ERICH6: variants seen among roughly 807,000 people sequenced by gnomAD.
The protein encoded by ERICH6 is glutamate-rich protein 6.
In ERICH6, 71 loss-of-function variants were observed where a neutral mutation model predicts 71.0. That is an observed-to-expected ratio of 1.00 (90% CI 0.83 to 1.22). The LOEUF (loss-of-function observed/expected upper bound fraction) is 1.22, where lower values mean the gene tolerates loss of function less well. ERICH6 is among the 50% of genes most tolerant of loss of function. ERICH6 has a pLI of 0.00. For missense variants in ERICH6, 808 were observed against 797.2 expected (o/e 1.01, Z -0.16); for synonymous variants, 262 against 278.4 (o/e 0.94, Z 0.59).
chr3:150,671,637 A>G (rs149253799), intron 11 of ERICH6, among the ~76,000 whole-genome samples: 1,776 of 152,194 alleles, frequency 0.012, 40 homozygotes, highest in African/African-American at 0.04. Context: ...TTATTTATTT[A>G]ATTTTTTGAG....
chr3:150,680,385 A>G, intron 9 of ERICH6, 83 bp downstream of exon 9: 14 of 1,385,610 alleles, frequency 1.0e-5, no homozygotes, highest in Non-Finnish European at 1.4e-5. Flanking sequence ...TTTTTTAAAT[A>G]CACCCATTTC....
At chr3:150,690,073 A>G (rs777385481) in intron 3 of ERICH6, among the ~76,000 whole-genome samples, 13 of 152,220 alleles carry the variant, frequency 8.5e-5, no homozygotes, top group African/African-American at 1.2e-4. Context: ...TAGCCTCATA[A>G]TAATTCTCCC....
At chr3:150,692,455 A>G (rs1194500971) in intron 3 of ERICH6, among the ~76,000 whole-genome samples, 2 of 152,152 alleles carry the variant, frequency 1.3e-5, no homozygotes, top group Non-Finnish European at 2.9e-5. Context: ...CAAATTATAA[A>G]TTATGTCTTT....
intron 6 of ERICH6, among the ~76,000 whole-genome samples, chr3:150,684,253 A>C (rs1712088720): frequency 6.6e-6 from 1 of 152,210 alleles, no homozygotes; most frequent in African/African-American, 2.4e-5. Context: ...AAAGAATTTC[A>C]GCCCGAAGAG....
chr3:150,681,800 C>G (rs1218840176), intron 7 of ERICH6, among the ~76,000 whole-genome samples: 1 of 138,108 alleles, frequency 7.2e-6, no homozygotes, highest in Non-Finnish European at 1.5e-5. Context: ...ACAGCTAACA[C>G]ATAACTCTTT....
chr3:150,682,415 G>C (rs1712006823), intron 6 of ERICH6, 99 bp from the exon 7 acceptor site: 8 of 797,842 alleles, frequency 1.0e-5, no homozygotes, highest in African/African-American at 3.5e-5. Context: ...TCAGTGAATG[G>C]AACAGCAGTG....
intron 10 of ERICH6, among the ~76,000 whole-genome samples, chr3:150,677,897 T>C (rs1021200969): frequency 6.6e-5 from 10 of 152,180 alleles, no homozygotes; most frequent in African/African-American, 2.4e-4. Flanking sequence ...AGGAAAACCA[T>C]CTAGAACAGT....
In ERICH6 at chr3:150,660,021, A is replaced by T. The variant is rs201297143; in HGVS notation, c.1863T>A (p.Val621=). The T allele has an allele frequency of 1.9e-6, 3 of 1,614,144 alleles. No individual in the cohort carries two copies. In the East Asian group the frequency reaches 6.7e-5, roughly 36 times the overall value. Residue 621 remains valine (V), a synonymous_variant, in exon 14 of 14, where the codon GTT becomes GTA. Coordinates refer to ENST00000295910, the MANE Select transcript of ERICH6 (RefSeq NM_152394.5). ...AGGAAGGTTGCTTTAATTTTTCCCA[A>T]ACCTGGCTTGAGGGAAAATTCACAC... is the stretch of plus-strand genomic sequence containing the variant. ...EGCVNFPSSQ[V]WEKLKQPSYL...
At chr3:150,699,860 A>C (rs1712798549) in intron 2 of ERICH6, among the ~76,000 whole-genome samples, 1 of 152,200 alleles carries the variant, frequency 6.6e-6, no homozygotes, top group African/African-American at 2.4e-5. Context: ...GTAGCATGTA[A>C]ACAAACATCA....
chr3:150,663,553 C>CA (rs397976828), intron 13 of ERICH6, among the ~76,000 whole-genome samples: 6 of 152,048 alleles, frequency 3.9e-5, no homozygotes, highest in African/African-American at 1.4e-4. Context: ...CCCCTGCCCC[C>CA]ACCCCGCCAA....
At chr3:150,692,232 AAC>A (rs1436578236) in intron 3 of ERICH6, among the ~76,000 whole-genome samples, 2 of 152,170 alleles carry the variant, frequency 1.3e-5, no homozygotes, top group African/African-American at 4.8e-5. Flanking sequence ...AATTTTGAAA[AAC>A]AAATTTAATT....
chr3:150,660,816 C>G (rs1214537854), intron 13 of ERICH6, among the ~76,000 whole-genome samples: 1 of 152,208 alleles, frequency 6.6e-6, no homozygotes, highest in Non-Finnish European at 1.5e-5. Flanking sequence ...CTCTCTGGGG[C>G]AGGTTAAATG....
intron 1 of ERICH6, among the ~76,000 whole-genome samples, chr3:150,702,436 C>G (rs912985769): frequency 3.9e-5 from 6 of 152,132 alleles, no homozygotes; most frequent in Non-Finnish European, 5.9e-5. Flanking sequence ...GCCGCCACGC[C>G]CGGCTAATTT....
At chr3:150,665,725 G>A (rs116418341) in intron 13 of ERICH6, among the ~76,000 whole-genome samples, 1,749 of 151,196 alleles carry the variant, frequency 0.012, 41 homozygotes, top group African/African-American at 0.04. Flanking sequence ...TACTCAGGAC[G>A]GTGAGGCAGG....
chr3:150,700,645 A>G lies in ERICH6; in HGVS notation c.461+1476T>C, dbSNP rs148301908. Among the ~76,000 whole-genome samples the G allele has an allele frequency of 6.3e-4, 96 of 151,848 alleles. 2 individuals carry two copies. In the East Asian group the frequency reaches 0.016, roughly 25 times the overall value. The stretch of plus-strand genomic sequence containing the variant: ...ATTGCCCAAGCTGGAGTGCAGTGGT[A>G]TGATCTCGGCTCACTGCAACCTCCA... On this transcript the variant is annotated intron_variant, in intron 2 of 13. Coordinates refer to ENST00000295910, the MANE Select transcript of ERICH6 (RefSeq NM_152394.5).
chr3:150,696,749 C>T (rs903933325), intron 3 of ERICH6, among the ~76,000 whole-genome samples: 2 of 152,056 alleles, frequency 1.3e-5, no homozygotes, highest in Non-Finnish European at 2.9e-5. Context: ...TTCCACCTAA[C>T]AGACTGTCAA....
intron 3 of ERICH6, among the ~76,000 whole-genome samples, chr3:150,692,864 C>G (rs533090931): frequency 1.3e-5 from 2 of 152,002 alleles, no homozygotes; most frequent in Non-Finnish European, 2.9e-5. Context: ...CAGGTGTTCT[C>G]AAATGCAGGT....
At chr3:150,699,679 G>A (rs1278483755) in intron 2 of ERICH6, among the ~76,000 whole-genome samples, 2 of 146,992 alleles carry the variant, frequency 1.4e-5, no homozygotes, top group African/African-American at 5.1e-5. Flanking sequence ...AAGAACAAAG[G>A]AGAACTTTAA....
chr3:150,700,637 G>A (rs1196963498), intron 2 of ERICH6, among the ~76,000 whole-genome samples: 2 of 152,110 alleles, frequency 1.3e-5, no homozygotes, highest in Non-Finnish European at 2.9e-5. Context: ...AAGCTGGAGT[G>A]CAGTGGTATG....
Sources: allele counts gnomAD v4.1 joint callset (sites outside exome capture counted in the v4.1 genomes callset), GRCh38; gene constraint gnomAD v4.1.1; transcripts MANE v1.5; gene names NCBI Gene and HGNC (gene_info 2026-07-23, HGNC 2026-07-21).